DOP1B: variants seen among roughly 807,000 people sequenced by gnomAD.
The protein encoded by DOP1B is DOP1 leucine zipper like protein B, also known as protein DOP1B.
In DOP1B, 174 loss-of-function variants were observed where a neutral mutation model predicts 233.5. That is an observed-to-expected ratio of 0.75 (90% confidence interval 0.66 to 0.85). The LOEUF is 0.85. DOP1B is among the 40% of genes least tolerant of loss of function. DOP1B has a pLI of 0.00. For synonymous variants in DOP1B, 1,190 were observed against 1,185.6 expected, an observed-to-expected ratio of 1.00 and a Z score of -0.08; for missense variants, 2,652 against 2,846.6, an observed-to-expected ratio of 0.93 and a Z score of 1.56.
intron 2 of DOP1B, among the ~76,000 whole-genome samples, chr21:36,173,024 G>A (rs2065987170): frequency 1.3e-5 from 2 of 152,034 alleles, no homozygotes; most frequent in Admixed American, 1.3e-4. Context: ...GGAGGCTGAG[G>A]CAGGAGAATC....
chr21:36,237,431 G>C lies in DOP1B; in HGVS notation c.2775+17G>C. On this transcript the variant is annotated intron_variant, in intron 16 of 36. Transcript: ENST00000691173. Reference sequence around the variant, plus strand: ...CCTGACAAGGTGAGCCTTTCTGGCCGCCACCTCCATCCTGCAGCACCCCGG... The same window carrying C: ...CCTGACAAGGTGAGCCTTTCTGGCCCCCACCTCCATCCTGCAGCACCCCGG... The C allele has an allele frequency of 6.2e-7, 1 of 1,612,934 alleles. No homozygotes were observed. The highest frequency in any genetic ancestry group is 2.2e-5 in the East Asian group (1 of 44,864).
intron 5 of DOP1B, among the ~76,000 whole-genome samples, chr21:36,211,173 A>G (rs1363824625): frequency 1.3e-5 from 2 of 152,204 alleles, no homozygotes; most frequent in African/African-American, 4.8e-5. Flanking sequence ...TAGTCTACCT[A>G]TCTGTATTCA....
chr21:36,234,814 G>A (rs1313966806), intron 15 of DOP1B, among the ~76,000 whole-genome samples: 1 of 152,062 alleles, frequency 6.6e-6, no homozygotes, highest in Non-Finnish European at 1.5e-5. Context: ...GTGCCTTACA[G>A]GCGTGAGCCA....
intron 4 of DOP1B, among the ~76,000 whole-genome samples, 168 bp from the exon 5 acceptor site, chr21:36,208,547 A>C (rs1411316016): frequency 6.6e-6 from 1 of 152,222 alleles, no homozygotes; most frequent in Non-Finnish European, 1.5e-5. Flanking sequence ...GCAGGTGGAC[A>C]CACACAGCAG....
chr21:36,220,138 A>AT (rs1227602436), intron 10 of DOP1B, among the ~76,000 whole-genome samples: 1 of 152,148 alleles, frequency 6.6e-6, no homozygotes, highest in East Asian at 1.9e-4. Context: ...TCTTAATGTA[A>AT]TTTCCTTCTG....
At chr21:36,270,956 T>C (rs987052764) in intron 27 of DOP1B, among the ~76,000 whole-genome samples, 2 of 149,532 alleles carry the variant, frequency 1.3e-5, no homozygotes, top group Non-Finnish European at 3.0e-5. Flanking sequence ...AGGTGATGCA[T>C]GTCTTAACTT....
intron 1 of DOP1B, among the ~76,000 whole-genome samples, chr21:36,158,272 A>G (rs2065838517): frequency 6.6e-6 from 1 of 152,194 alleles, no homozygotes; most frequent in Admixed American, 6.6e-5. Flanking sequence ...AATCTCTCAC[A>G]GGAGACATAT....
At position 36,242,307 on chromosome 21, in the gene DOP1B, G is replaced by C. The variant is rs1417798864; in HGVS notation, c.3067+2352G>C. Among the ~76,000 whole-genome samples the C allele has an allele frequency of 2.0e-5, 3 of 151,864 alleles. No homozygotes were observed. In the East Asian group the frequency reaches 5.8e-4, roughly 29 times the overall value. On this transcript the variant is annotated intron_variant, in intron 18 of 36. Coordinates refer to ENST00000691173, the MANE Select transcript of DOP1B (RefSeq NM_001320714.2). ...CCTGCCTCAGCCTCCCAAGTAGCTG[G>C]GATTACAGGCGCTGGCCACCACAGC... is the stretch of plus-strand genomic sequence containing the variant.
chr21:36,234,957 T>G (rs2066809539), intron 15 of DOP1B, among the ~76,000 whole-genome samples: 1 of 152,230 alleles, frequency 6.6e-6, no homozygotes, highest in Non-Finnish European at 1.5e-5. Flanking sequence ...ACCCATCACC[T>G]TAAGCATTTA....
At chr21:36,287,924 T>A in intron 32 of DOP1B, 90 bp from the exon 33 acceptor site, 1 of 1,481,260 alleles carries the variant, frequency 6.8e-7, no homozygotes, top group East Asian at 2.3e-5. Context: ...TACTAGAATG[T>A]CAGAACAGTC....
intron 2 of DOP1B, among the ~76,000 whole-genome samples, chr21:36,197,462 G>C (rs1245165823): frequency 6.6e-6 from 1 of 152,162 alleles, no homozygotes; most frequent in African/African-American, 2.4e-5. Flanking sequence ...AATGCAGCTG[G>C]CATTGCACAT....
intron 1 of DOP1B, among the ~76,000 whole-genome samples, chr21:36,161,369 C>G (rs2065867834): frequency 6.6e-6 from 1 of 151,970 alleles, no homozygotes; most frequent in Admixed American, 6.6e-5. Flanking sequence ...GAACTCCTGA[C>G]CTCGTGATCC....
In DOP1B at chr21:36,239,808, G is replaced by T; in HGVS notation, c.2920G>T (p.Ala974Ser). ...VLDSLACTDGAIGAAAQGWLV... is the reference protein window; with the variant it reads ...VLDSLACTDGSIGAAAQGWLV... ...GGACAGCCTGGCCTGCACGGATGGT[G>T]CCATCGGTGCGGCAGCCCAGGGCTG... Residue 974 changes from alanine to serine, a missense_variant, in exon 18 of 37, where the codon GCC becomes TCC. Coordinates refer to ENST00000691173, the MANE Select transcript of DOP1B (RefSeq NM_001320714.2). 1 of 1,561,110 alleles carries T rather than the reference G, an allele frequency of 6.4e-7. No homozygotes were observed. Among genetic ancestry groups the T allele is most frequent in the Non-Finnish European group, 8.7e-7 (1 of 1,153,626 alleles).
At chr21:36,200,585 T>A in intron 4 of DOP1B, 84 bp downstream of exon 4, 1 of 1,475,766 alleles carries the variant, frequency 6.8e-7, no homozygotes. Flanking sequence ...GGCTCACGCC[T>A]GTAATCCCAG....
intron 1 of DOP1B, among the ~76,000 whole-genome samples, chr21:36,160,819 G>T (rs1489253224): frequency 6.6e-6 from 1 of 152,170 alleles, no homozygotes; most frequent in Non-Finnish European, 1.5e-5. Flanking sequence ...CATGGCAGTT[G>T]TATGCATTGT....
At chr21:36,189,037 A>T (rs1224172947) in intron 2 of DOP1B, among the ~76,000 whole-genome samples, 1 of 152,136 alleles carries the variant, frequency 6.6e-6, no homozygotes, top group Non-Finnish European at 1.5e-5. Flanking sequence ...ACTTGTGTCC[A>T]TGTGTAGCCT....
intron 27 of DOP1B, among the ~76,000 whole-genome samples, chr21:36,272,955 G>T (rs1601471009): frequency 8.2e-6 from 1 of 121,250 alleles, no homozygotes; most frequent in South Asian, 2.8e-4. Flanking sequence ...TTGCACTCCA[G>T]CCTGGGCAAC....
At position 36,278,121 on chromosome 21, in the gene DOP1B, C is replaced by T. The variant is rs758031399; in HGVS notation, c.5822+37C>T. On this transcript the variant is annotated intron_variant, in intron 29 of 36. Transcript: ENST00000691173. The stretch of plus-strand genomic sequence containing the variant: ...TTCGCCATTTCTTCCCACCCATATG[C>T]AGAAAAATATGTTTTCACAAATGAA... 3.1e-6 allele frequency: 5 copies of T among 1,612,444 alleles called. No homozygotes were observed. In the Admixed American group the frequency reaches 8.3e-5, roughly 27 times the overall value.
chr21:36,291,286 C>T (rs934112736), intron 35 of DOP1B, among the ~76,000 whole-genome samples: 2 of 151,492 alleles, frequency 1.3e-5, no homozygotes, highest in African/African-American at 4.9e-5. Flanking sequence ...GGAGGCTAGG[C>T]GCAGTGGCTC....
Sources: gnomAD v4.1 joint callset for allele counts (sites outside exome capture counted in the v4.1 genomes callset) on GRCh38, gnomAD v4.1.1 for gene constraint, MANE v1.5 for transcripts, NCBI Gene and HGNC (gene_info 2026-07-23, HGNC 2026-07-21) for gene names.